ALDH1A3: variants seen among roughly 807,000 people sequenced by gnomAD.
ALDH1A3 encodes the protein aldehyde dehydrogenase 1 family member A3.
Under a neutral mutation model 57.5 loss-of-function variants are expected in ALDH1A3, and 28 were observed. The observed-to-expected ratio is 0.49, with a 90% confidence interval of 0.36 to 0.67. ALDH1A3 has a LOEUF of 0.67. Ranked by LOEUF, ALDH1A3 falls within the 30% of genes least tolerant of loss-of-function variation. ALDH1A3 has a pLI of 0.00. For synonymous variants in ALDH1A3, 281 were observed against 264.8 expected, an observed-to-expected ratio of 1.06 and a Z score of -0.59; for missense variants, 507 against 669.4, an observed-to-expected ratio of 0.76 and a Z score of 2.68.
At position 100,882,139 on chromosome 15, in the gene ALDH1A3, G is replaced by A. The variant is rs111565759; in HGVS notation, c.99+2133G>A. On this transcript the variant is annotated intron_variant, in intron 1 of 12. Coordinates refer to ENST00000329841, the MANE Select transcript of ALDH1A3 (RefSeq NM_000693.4). The stretch of plus-strand genomic sequence containing the variant: ...CTGCTATTTTCCAAAATTGACTCAT[G>A]GTGCTTCTCGATAATGGGGCACACA... 4.7e-3 allele frequency among the ~76,000 whole-genome samples: 711 copies of A among 152,372 alleles called. 9 individuals carry two copies. Among genetic ancestry groups the A allele is most frequent in the African/African-American group, 0.016 (676 of 41,584 alleles).
intron 12 of ALDH1A3, among the ~76,000 whole-genome samples, chr15:100,909,681 A>G (rs2041864469): frequency 6.6e-6 from 1 of 152,176 alleles, no homozygotes; most frequent in African/African-American, 2.4e-5. Context: ...CCCTAGGTTT[A>G]GATTAATGGG....
chr15:100,906,673 T>C lies in ALDH1A3; in HGVS notation c.1234-448T>C, dbSNP rs1172384607. On this transcript the variant is annotated intron_variant, in intron 10 of 12. Coordinates refer to ENST00000329841, the MANE Select transcript of ALDH1A3 (RefSeq NM_000693.4). This position sits in a 1 kb window ranked among gnomAD's most constrained non-coding sequence, Gnocchi z 4.8. ...GTGTCATTCCTTCCCCTGGTAGTTA[T>C]TATGGAAACGTTCTAGGGTGTCTTC... Among the ~76,000 whole-genome samples, 1 of 152,196 alleles carries C rather than the reference T, an allele frequency of 6.6e-6. No homozygotes were observed. The highest frequency in any genetic ancestry group is 2.4e-5 in the African/African-American group (1 of 41,450).
Position 100,915,687 on chromosome 15 carries a change from C to G in ALDH1A3, c.*914C>G, listed in dbSNP as rs2041924521. 1 of 152,222 alleles carries G rather than the reference C, an allele frequency of 6.6e-6. No homozygotes were observed. The highest frequency in any genetic ancestry group is 2.4e-5 in the African/African-American group (1 of 41,440). 9.4% of individuals were successfully genotyped at this position (152,222 alleles called of 1,614,324 possible). ...CGTTCACTAACAGCTTATGATAAGTCTGTGTAGTCTTCCTTTTCTCCAGTT... is the reference window on the plus strand; with the variant it reads ...CGTTCACTAACAGCTTATGATAAGTGTGTGTAGTCTTCCTTTTCTCCAGTT... On this transcript the variant is annotated 3_prime_UTR_variant, in exon 13 of 13. Transcript: ENST00000329841.
intron 1 of ALDH1A3, chr15:100,880,301 GCGCTGCC>G (rs2041534728): frequency 1.1e-5 from 4 of 377,318 alleles, no homozygotes; most frequent in Non-Finnish European, 1.9e-5. Context: ...ACGTGTCCCT[GCGCTGCC>G]CGCTTTGATC....
chr15:100,908,335 C>A, intron 11 of ALDH1A3, 73 bp from the exon 12 acceptor site: 3 of 1,287,740 alleles, frequency 2.3e-6, no homozygotes, highest in Non-Finnish European at 3.4e-6. Flanking sequence ...GCACTGGGGG[C>A]TAAGTGGCTG....
chr15:100,889,279 G>A lies in ALDH1A3; in HGVS notation c.345+1567G>A, dbSNP rs892562751. On this transcript the variant is annotated intron_variant, in intron 3 of 12. Transcript: ENST00000329841. This position sits in a 1 kb window ranked among gnomAD's most constrained non-coding sequence, Gnocchi z 5.1. ...TAAAGGAGGGTGTCAGCCAGGACAC[G>A]GAAATTGCTGTTGCCCCTGAATGTG... is the stretch of plus-strand genomic sequence containing the variant. Among the ~76,000 whole-genome samples the A allele has an allele frequency of 4.6e-5, 7 of 152,196 alleles. No homozygotes were observed. The highest frequency in any genetic ancestry group is 1.4e-4 in the African/African-American group (6 of 41,434).
chr15:100,894,035 G>T lies in ALDH1A3; in HGVS notation c.619G>T (p.Glu207Ter). 6.2e-7 allele frequency: 1 copy of T among 1,614,216 alleles called. No homozygotes were observed. The highest frequency in any genetic ancestry group is 8.5e-7 in the Non-Finnish European group (1 of 1,180,044). Residue 207 changes from glutamate (E) to a stop codon, truncating the protein, a stop_gained, in exon 6 of 13, where the codon GAG becomes TAG. Coordinates refer to ENST00000329841, the MANE Select transcript of ALDH1A3 (RefSeq NM_000693.4). LOFTEE classifies it high-confidence loss of function. The surrounding 1 kb of genome is among the most constrained non-coding windows in gnomAD (Gnocchi z 4.5). ...CGNTMVLKPA[E>*]QTPLTALYLG... ...GAACACCATGGTCCTGAAGCCTGCG[G>T]AGCAGACACCTCTCACCGCCCTTTA...
rs976290789 is a variant in ALDH1A3, at chr15:100,889,589, G to A, written c.345+1877G>A. On this transcript the variant is annotated intron_variant, in intron 3 of 12. Coordinates refer to ENST00000329841, the MANE Select transcript of ALDH1A3 (RefSeq NM_000693.4). The surrounding 1 kb of genome is among the most constrained non-coding windows in gnomAD (Gnocchi z 5.1). ...ATGAGCTCATCGGTCGGCAATGTCC[G>A]TGTGGACTAATAGCAGGCTAGAGAG... Among the ~76,000 whole-genome samples, 3 of 152,198 alleles carry A rather than the reference G, an allele frequency of 2.0e-5. No homozygotes were observed. The highest frequency in any genetic ancestry group is 4.4e-5 in the Non-Finnish European group (3 of 68,036).
At chr15:100,898,369 G>A (rs1488523459) in intron 8 of ALDH1A3, among the ~76,000 whole-genome samples, 184 bp downstream of exon 8, 2 of 152,356 alleles carry the variant, frequency 1.3e-5, no homozygotes, top group Middle Eastern at 3.4e-3. Flanking sequence ...ACATCAAAAT[G>A]CCAGCTTTAC....
chr15:100,890,369 T>G (rs2041636899), intron 3 of ALDH1A3, among the ~76,000 whole-genome samples: 1 of 152,214 alleles, frequency 6.6e-6, no homozygotes, highest in African/African-American at 2.4e-5. Flanking sequence ...GATGACTGTT[T>G]CAATCTGTAG....
chr15:100,902,252 C>T (rs1164726888), intron 9 of ALDH1A3, among the ~76,000 whole-genome samples: 4 of 152,200 alleles, frequency 2.6e-5, no homozygotes, highest in Non-Finnish European at 5.9e-5. Flanking sequence ...TCCAAGAGAA[C>T]AGATAGAGGC....
In ALDH1A3 at chr15:100,889,459, C is replaced by T. The variant is rs1292183782; in HGVS notation, c.345+1747C>T. 1.3e-5 allele frequency among the ~76,000 whole-genome samples: 2 copies of T among 152,178 alleles called. No individual in the cohort carries two copies. The highest frequency in any genetic ancestry group is 4.8e-5 in the African/African-American group (2 of 41,432). On this transcript the variant is annotated intron_variant, in intron 3 of 12. Coordinates refer to ENST00000329841, the MANE Select transcript of ALDH1A3 (RefSeq NM_000693.4). This position sits in a 1 kb window ranked among gnomAD's most constrained non-coding sequence, Gnocchi z 5.1. ...GAGAGTAGCTCCCTCCCAGGGTAAG[C>T]GCTTCTCTCTGAGGAGCCTCTGGTT...
At chr15:100,892,365 C>A in intron 3 of ALDH1A3, 145 bp from the exon 4 acceptor site, 2 of 1,065,974 alleles carry the variant, frequency 1.9e-6, no homozygotes, top group Non-Finnish European at 1.4e-6. Flanking sequence ...TGGTGTCATG[C>A]TTTCTGAAGA....
chr15:100,912,954 C>T lies in ALDH1A3; in HGVS notation c.1467-1747C>T, dbSNP rs1213667409. Among the ~76,000 whole-genome samples, 10 of 31,500 alleles carry T rather than the reference C, an allele frequency of 3.2e-4. 4 individuals carry two copies. Among genetic ancestry groups the T allele is most frequent in the Non-Finnish European group, 4.9e-4 (7 of 14,278 alleles). The allele number at this position is 31,500 out of a possible 152,430, so 20.7% of individuals were successfully genotyped here. On this transcript the variant is annotated intron_variant, in intron 12 of 12. Coordinates refer to ENST00000329841, the MANE Select transcript of ALDH1A3 (RefSeq NM_000693.4). ...CGGGCGGATCACGAGGTCAGGAGAT[C>T]GAGACCATCCTGGCTAACAAGGTGA...
At chr15:100,890,221 G>A (rs983710153) in intron 3 of ALDH1A3, among the ~76,000 whole-genome samples, 13 of 152,282 alleles carry the variant, frequency 8.5e-5, no homozygotes, top group South Asian at 2.1e-4. Flanking sequence ...GGCACTTCCC[G>A]TCATTCTTTA....
In ALDH1A3 at chr15:100,914,803, C is replaced by T. The variant is rs760481765; in HGVS notation, c.*30C>T. 2.2e-5 allele frequency: 36 copies of T among 1,605,966 alleles called. No homozygotes were observed. Among genetic ancestry groups the T allele is most frequent in the South Asian group, 1.7e-4 (15 of 90,728 alleles). Reference sequence around the variant, plus strand: ...AAGGCGGGGCTCCTTCCTCAAACATCGGACGGCGGAATGTGGCAGATGAAA... The same window carrying T: ...AAGGCGGGGCTCCTTCCTCAAACATTGGACGGCGGAATGTGGCAGATGAAA... On this transcript the variant is annotated 3_prime_UTR_variant, in exon 13 of 13. Coordinates refer to ENST00000329841, the MANE Select transcript of ALDH1A3 (RefSeq NM_000693.4).
intron 8 of ALDH1A3, among the ~76,000 whole-genome samples, chr15:100,898,661 C>A (rs1362801283): frequency 6.6e-6 from 1 of 152,182 alleles, no homozygotes; most frequent in African/African-American, 2.4e-5. Context: ...TGTCTCAGAC[C>A]TGATAAATCA....
Position 100,893,134 on chromosome 15 carries a change from G to C in ALDH1A3, c.537+128G>C. On this transcript the variant is annotated intron_variant, in intron 5 of 12. Coordinates refer to ENST00000329841, the MANE Select transcript of ALDH1A3 (RefSeq NM_000693.4). This position sits in a 1 kb window ranked among gnomAD's most constrained non-coding sequence, Gnocchi z 4.8. ...GCGTTGAACAAGCATTTTCTTCGTG[G>C]CATGGAACTCCATGCTTGGGGGCTC... is the stretch of plus-strand genomic sequence containing the variant. The C allele has an allele frequency of 2.5e-6, 2 of 803,578 alleles. No individual in the cohort carries two copies. The highest frequency in any genetic ancestry group is 4.1e-5 in the South Asian group (2 of 48,638). 49.8% of individuals were successfully genotyped at this position (803,578 alleles called of 1,614,324 possible).
intron 7 of ALDH1A3, among the ~76,000 whole-genome samples, chr15:100,897,385 A>G (rs920820450): frequency 2.0e-5 from 3 of 151,284 alleles, no homozygotes; most frequent in Admixed American, 2.0e-4. Context: ...GTTGCCCTAG[A>G]TAAGTCACCG....
Sources: allele counts gnomAD v4.1 joint callset (sites outside exome capture counted in the v4.1 genomes callset), GRCh38; gene constraint gnomAD v4.1.1; non-coding constraint Gnocchi (gnomAD v3.1); transcripts MANE v1.5; gene names NCBI Gene and HGNC (gene_info 2026-07-23, HGNC 2026-07-21).